SH3GL3: variants seen among roughly 807,000 people sequenced by gnomAD.
SH3GL3 encodes the protein SH3 domain containing GRB2 like 3, endophilin A3, also known as endophilin-A3.
SH3GL3 carries 33 observed loss-of-function variants against 47.7 expected under a neutral mutation model. The observed-to-expected ratio is 0.69, with a 90% CI of 0.52 to 0.92. The LOEUF (loss-of-function observed/expected upper bound fraction) is 0.92, where lower values mean the gene tolerates loss of function less well. SH3GL3 is among the 40% of genes least tolerant of loss of function. The probability of loss-of-function intolerance (pLI) is 0.00; values close to 1 mark genes in which losing one functional copy is unlikely to be tolerated. For synonymous variants in SH3GL3, 155 were observed against 148.8 expected, an observed-to-expected ratio of 1.04 and a Z score of -0.30; for missense variants, 363 against 417.8, an observed-to-expected ratio of 0.87 and a Z score of 1.14.
chr15:83,530,169 T>C (rs2043603808), intron 1 of SH3GL3, among the ~76,000 whole-genome samples: 1 of 152,140 alleles, frequency 6.6e-6, no homozygotes, highest in Non-Finnish European at 1.5e-5. Context: ...CTCAGAATGG[T>C]GCTGTTCTGC....
chr15:83,498,474 CTG>C (rs1454924613), intron 1 of SH3GL3, among the ~76,000 whole-genome samples: 1 of 152,160 alleles, frequency 6.6e-6, no homozygotes, highest in East Asian at 1.9e-4. Context: ...CCACCAAATG[CTG>C]TGTTTTGTTA....
chr15:83,530,532 T>G (rs561949741), intron 1 of SH3GL3, among the ~76,000 whole-genome samples: 1 of 152,302 alleles, frequency 6.6e-6, no homozygotes, highest in South Asian at 2.1e-4. Context: ...ATTTCCTATT[T>G]TGGTTCTTTT....
chr15:83,603,848 G>T (rs2151833553), intron 8 of SH3GL3, among the ~76,000 whole-genome samples: 1 of 152,308 alleles, frequency 6.6e-6, no homozygotes. Flanking sequence ...AGGTCACTGG[G>T]TTTCAGCCCG....
At position 83,467,725 on chromosome 15, in the gene SH3GL3, T is replaced by C. The variant is rs548832910; in HGVS notation, c.45+20147T>C. Among the ~76,000 whole-genome samples, 7 of 152,360 alleles carry C rather than the reference T, an allele frequency of 4.6e-5. No homozygotes were observed. In the East Asian group the frequency reaches 1.3e-3, roughly 29 times the overall value. ...TTTGATTTCTCTCATCAGCATTTTG[T>C]AGTTGTCAGCACATAGATCGTGTGC... On this transcript the variant is annotated intron_variant, in intron 1 of 8. Transcript: ENST00000427482.
At chr15:83,524,313 C>A (rs547234096) in intron 1 of SH3GL3, among the ~76,000 whole-genome samples, 1 of 152,308 alleles carries the variant, frequency 6.6e-6, no homozygotes, top group African/African-American at 2.4e-5. Context: ...TGCATCTTCT[C>A]ATTTTCAAAG....
At chr15:83,494,451 GTGGAGT>G (rs1242239486) in intron 1 of SH3GL3, among the ~76,000 whole-genome samples, 1 of 152,142 alleles carries the variant, frequency 6.6e-6, no homozygotes, top group East Asian at 1.9e-4. Flanking sequence ...CTCTCCTTCT[GTGGAGT>G]AGGACTCTTG....
chr15:83,461,950 T>C (rs2040320142), intron 1 of SH3GL3, among the ~76,000 whole-genome samples: 1 of 152,216 alleles, frequency 6.6e-6, no homozygotes, highest in African/African-American at 2.4e-5. Context: ...CTTTATTAGA[T>C]TGTAGTCTTG....
At chr15:83,482,387 C>G (rs1208126513) in intron 1 of SH3GL3, among the ~76,000 whole-genome samples, 2 of 151,916 alleles carry the variant, frequency 1.3e-5, no homozygotes, top group Non-Finnish European at 2.9e-5. Context: ...ATATTCTGTT[C>G]TTTTCTATAC....
At chr15:83,508,898 T>G (rs551207504) in intron 1 of SH3GL3, among the ~76,000 whole-genome samples, 1 of 152,120 alleles carries the variant, frequency 6.6e-6, no homozygotes, top group Admixed American at 6.5e-5. Context: ...GGCTTACATT[T>G]TTAAAAGATC....
At chr15:83,460,143 C>T (rs1308967420) in intron 1 of SH3GL3, among the ~76,000 whole-genome samples, 1 of 145,060 alleles carries the variant, frequency 6.9e-6, no homozygotes, top group African/African-American at 2.7e-5. Flanking sequence ...CTGTGTCACC[C>T]AGGCTGGAGT....
downstream of SH3GL3, among the ~76,000 whole-genome samples, chr15:83,620,067 A>G (rs1436752852): frequency 2.6e-5 from 4 of 152,188 alleles, no homozygotes; most frequent in Non-Finnish European, 5.9e-5. Context: ...GTAAGAAGCA[A>G]TTCCTCATCT....
At chr15:83,573,830 A>T (rs1423136596) in intron 5 of SH3GL3, among the ~76,000 whole-genome samples, 1 of 152,238 alleles carries the variant, frequency 6.6e-6, no homozygotes, top group Admixed American at 6.5e-5. Context: ...GGCACTGGCC[A>T]TATGTGGCTA....
intron 1 of SH3GL3, among the ~76,000 whole-genome samples, chr15:83,556,176 G>A (rs2044948241): frequency 1.3e-5 from 1 of 79,628 alleles, no homozygotes; most frequent in African/African-American, 4.2e-5. Context: ...TAGGAATCAC[G>A]TCTATCTTTT....
At chr15:83,527,950 G>A (rs1022443828) in intron 1 of SH3GL3, among the ~76,000 whole-genome samples, 4 of 151,940 alleles carry the variant, frequency 2.6e-5, no homozygotes, top group African/African-American at 9.7e-5. Context: ...CCAGATTTAG[G>A]GCTCCGTTAA....
chr15:83,603,715 G>A (rs1398701184), intron 8 of SH3GL3, among the ~76,000 whole-genome samples: 1 of 152,166 alleles, frequency 6.6e-6, no homozygotes, highest in African/African-American at 2.4e-5. Flanking sequence ...CACACACCAA[G>A]GTTTAGCTAA....
chr15:83,505,113 A>G (rs2042441994), intron 1 of SH3GL3, among the ~76,000 whole-genome samples: 1 of 152,078 alleles, frequency 6.6e-6, no homozygotes, highest in Non-Finnish European at 1.5e-5. Flanking sequence ...TTACATACGT[A>G]TCTGTTCTCC....
At chr15:83,500,558 G>A (rs1327987321) in intron 1 of SH3GL3, among the ~76,000 whole-genome samples, 1 of 152,198 alleles carries the variant, frequency 6.6e-6, no homozygotes, top group East Asian at 1.9e-4. Context: ...CCTAGAACCT[G>A]GCTTCTCGAG....
At chr15:83,500,010 G>A (rs2042232420) in intron 1 of SH3GL3, among the ~76,000 whole-genome samples, 1 of 152,202 alleles carries the variant, frequency 6.6e-6, no homozygotes. Context: ...ATCTGAAAGG[G>A]AGAGGGTCGG....
In SH3GL3 at chr15:83,448,481, T is replaced by TGTGTGTGTGTGTGTGTG. The variant is rs1567228414; in HGVS notation, c.45+903_45+904insGTGTGTGTGTGTGTGTG. 7.5e-5 allele frequency among the ~76,000 whole-genome samples: 11 copies of TGTGTGTGTGTGTGTGTG among 145,824 alleles called. No individual in the cohort carries two copies. The highest frequency in any genetic ancestry group is 2.8e-4 in the African/African-American group (11 of 39,434). On this transcript the variant is annotated intron_variant, in intron 1 of 8. Coordinates refer to ENST00000427482, the MANE Select transcript of SH3GL3 (RefSeq NM_003027.5). This position sits in a 1 kb window ranked among gnomAD's most constrained non-coding sequence, Gnocchi z 4.2. Reference sequence around the variant, plus strand: ...GTGTGTGTGTGTGTGTGTGTGTGTGTTGATGACAAGCAAATTTGTTTTTCA... The same window carrying TGTGTGTGTGTGTGTGTG: ...GTGTGTGTGTGTGTGTGTGTGTGTGTGTGTGTGTGTGTGTGTGTGATGACAAGCAAATTTGTTTTTCA...
Sources: allele counts gnomAD v4.1 joint callset (sites outside exome capture counted in the v4.1 genomes callset), GRCh38; gene constraint gnomAD v4.1.1; non-coding constraint Gnocchi (gnomAD v3.1); transcripts MANE v1.5; gene names NCBI Gene and HGNC (gene_info 2026-07-23, HGNC 2026-07-21).